Variants in NAA30 observed in about 807,000 individuals in gnomAD.
NAA30 encodes the protein N-alpha-acetyltransferase 30, NatC catalytic subunit, also known as N-alpha-acetyltransferase 30.
A neutral mutation model predicts 31.4 loss-of-function variants in NAA30; 5 were observed. The ratio of observed to expected loss-of-function variants is 0.16; its 90% confidence interval spans 0.08 to 0.33. The LOEUF is 0.33. NAA30 is among the 10% of genes least tolerant of loss of function. The probability of loss-of-function intolerance (pLI) is 1.00; values close to 1 mark genes in which losing one functional copy is unlikely to be tolerated. For synonymous variants in NAA30, 222 were observed against 207.1 expected, an observed-to-expected ratio of 1.07 and a Z score of -0.62; for missense variants, 428 against 490.8, an observed-to-expected ratio of 0.87 and a Z score of 1.21.
At chr14:57,393,814 G>A (rs1319017064) in intron 2 of NAA30, among the ~76,000 whole-genome samples, 1 of 152,076 alleles carries the variant, frequency 6.6e-6, no homozygotes, top group Non-Finnish European at 1.5e-5. Context: ...ACCGTCGGAA[G>A]GGTAAAGCTA....
rs2066536681 is a variant in NAA30, at chr14:57,414,140, G to A, written c.*4624G>A. The A allele has an allele frequency of 6.6e-6, 1 of 152,268 alleles. No homozygotes were observed. The highest frequency in any genetic ancestry group is 1.5e-5 in the Non-Finnish European group (1 of 68,064). The allele number at this position is 152,268 out of a possible 1,614,324, so 9.4% of individuals were successfully genotyped here. On this transcript the variant is annotated 3_prime_UTR_variant, in exon 5 of 5. Transcript: ENST00000556492. The stretch of plus-strand genomic sequence containing the variant: ...TGGAAGGATCACAATTAGGCCAGAT[G>A]TGGTGGCTCACGCCTATTATCCCAG...
Position 57,409,677 on chromosome 14 carries a change from A to G in NAA30, c.*161A>G, listed in dbSNP as rs2066515085. 14 of 594,736 alleles carry G rather than the reference A, an allele frequency of 2.4e-5. No homozygotes were observed. Among genetic ancestry groups the G allele is most frequent in the Middle Eastern group, 2.9e-4 (1 of 3,506 alleles). 36.8% of individuals were successfully genotyped at this position (594,736 alleles called of 1,614,324 possible). A position where few individuals can be genotyped will look rare whatever the true frequency, so the allele number is the denominator to read the frequency against. On this transcript the variant is annotated 3_prime_UTR_variant, in exon 5 of 5. Transcript: ENST00000556492. ...CGCACAATATTTGTTGCACTTTGGC[A>G]TGGCACATTTGTTCTGAATTAAAAG...
rs2066524183 is a variant in NAA30 at position 57,411,805 on chromosome 14, A to T, written c.*2289A>T. 1 of 152,184 alleles carries T rather than the reference A, an allele frequency of 6.6e-6. No homozygotes were observed. The highest frequency in any genetic ancestry group is 2.1e-4 in the South Asian group (1 of 4,828). 9.4% of individuals were successfully genotyped at this position (152,184 alleles called of 1,614,324 possible). On this transcript the variant is annotated 3_prime_UTR_variant, in exon 5 of 5. Coordinates refer to ENST00000556492, the MANE Select transcript of NAA30 (RefSeq NM_001011713.3). ...TCTAGCATGAAAACCCAGCACCAAC[A>T]CTGAAAGACTCCATTCAGGTTGAAG... is the stretch of plus-strand genomic sequence containing the variant.
rs2066538674 is a variant in NAA30 at position 57,414,530 on chromosome 14, A to C, written c.*5014A>C. On this transcript the variant is annotated 3_prime_UTR_variant, in exon 5 of 5. Transcript: ENST00000556492. ...TAATTTCTCATTTTTGATGAATTTG[A>C]AATCATTTCACTTCTAAATGAGATT... 6.6e-6 allele frequency: 1 copy of C among 152,196 alleles called. No homozygotes were observed. The highest frequency in any genetic ancestry group is 1.5e-5 in the Non-Finnish European group (1 of 68,028). 9.4% of individuals were successfully genotyped at this position (152,196 alleles called of 1,614,324 possible). A position where few individuals can be genotyped will look rare whatever the true frequency, so the allele number is the denominator to read the frequency against.
At position 57,392,000 on chromosome 14, in the gene NAA30, A is replaced by G. The variant is rs1027073697; in HGVS notation, c.771+272A>G. Among the ~76,000 whole-genome samples, 1 of 152,214 alleles carries G rather than the reference A, an allele frequency of 6.6e-6. No homozygotes were observed. Among genetic ancestry groups the G allele is most frequent in the Non-Finnish European group, 1.5e-5 (1 of 68,040 alleles). On this transcript the variant is annotated intron_variant, in intron 2 of 4. Transcript: ENST00000556492. The surrounding 1 kb of genome is among the most constrained non-coding windows in gnomAD (Gnocchi z 4.1). Reference sequence around the variant, plus strand: ...GGTGGGGGTCTTGTGTCTTGTTTACATTAGATTATAATCGTGTTTAACCGT... The same window carrying G: ...GGTGGGGGTCTTGTGTCTTGTTTACGTTAGATTATAATCGTGTTTAACCGT...
At chr14:57,403,216 T>TA (rs1436430119) in intron 4 of NAA30, among the ~76,000 whole-genome samples, 2 of 145,084 alleles carry the variant, frequency 1.4e-5, no homozygotes, top group Non-Finnish European at 3.0e-5. Flanking sequence ...CGTGAAACCT[T>TA]ACTGTGCTCC....
At position 57,391,040 on chromosome 14, in the gene NAA30, C is replaced by T; in HGVS notation, c.83C>T (p.Pro28Leu). The change falls in exon 2 of 5, where the codon CCC (proline) becomes CTC (leucine). Residue 28 changes from proline (P) to leucine (L), a missense_variant. Transcript: ENST00000556492. The surrounding 1 kb of genome is among the most constrained non-coding windows in gnomAD (Gnocchi z 4.1). Reference protein sequence around the residue: ...PAPAAVEPRCPFPAGAALACC... With the variant: ...PAPAAVEPRCLFPAGAALACC... Reference sequence around the variant, plus strand: ...CCGGCGGCGGTCGAGCCCCGCTGTCCCTTCCCGGCGGGGGCCGCCCTCGCC... The same window carrying T: ...CCGGCGGCGGTCGAGCCCCGCTGTCTCTTCCCGGCGGGGGCCGCCCTCGCC... 5 of 1,512,832 alleles carry T rather than the reference C, an allele frequency of 3.3e-6. No individual in the cohort carries two copies. Among genetic ancestry groups the T allele is most frequent in the Non-Finnish European group, 3.5e-6 (4 of 1,137,996 alleles). 93.7% of individuals were successfully genotyped at this position (1,512,832 alleles called of 1,614,324 possible).
rs555425273 is a variant in NAA30 at position 57,400,419 on chromosome 14, C to A, written c.951+536C>A. On this transcript the variant is annotated intron_variant, in intron 4 of 4. Transcript: ENST00000556492. ...AGATATTTCTTTGTATCCTACTGCA[C>A]GGTGTTTCTACATATAGTAGGTGCA... Among the ~76,000 whole-genome samples the A allele has an allele frequency of 2.0e-5, 3 of 152,194 alleles. No individual in the cohort carries two copies. The South Asian group carries it at 6.2e-4, about 32-fold the overall frequency.
Position 57,391,724 on chromosome 14 carries a change from T to C in NAA30, c.767T>C (p.Phe256Ser). The C allele has an allele frequency of 6.2e-7, 1 of 1,600,542 alleles. No homozygotes were observed. The highest frequency in any genetic ancestry group is 8.5e-7 in the Non-Finnish European group (1 of 1,172,412). ...YFIHNWPQLC[F>S]LAMVGEECVG... ...ATCCACAACTGGCCACAGCTGTGCT[T>C]CTTGGTAAGTGGATAGAATAAAAAG... Residue 256 changes from phenylalanine to serine, a missense_variant, in exon 2 of 5, where the codon TTC (phenylalanine) becomes TCC (serine). Physicochemically the swap from Phe to Ser is radical, Grantham distance 155 (BLOSUM62 -2). This residue lies in a region of NAA30 where 79 missense variants were observed against 180.3 expected (regional missense o/e 0.44). Coordinates refer to ENST00000556492, the MANE Select transcript of NAA30 (RefSeq NM_001011713.3). This position sits in a 1 kb window ranked among gnomAD's most constrained non-coding sequence, Gnocchi z 4.1.
At chr14:57,402,873 G>T (rs562887749) in intron 4 of NAA30, among the ~76,000 whole-genome samples, 1 of 152,186 alleles carries the variant, frequency 6.6e-6, no homozygotes, top group African/African-American at 2.4e-5. Flanking sequence ...TTTAAAATCT[G>T]TGAACCTTTT....
chr14:57,398,978 T>C (rs1176489684), intron 3 of NAA30, among the ~76,000 whole-genome samples: 1 of 151,532 alleles, frequency 6.6e-6, no homozygotes, highest in Non-Finnish European at 1.5e-5. Flanking sequence ...TGCCATGACC[T>C]CAGCCTCCAA....
chr14:57,390,884 T>C (rs937391010), intron 1 of NAA30, 73 bp from the exon 2 acceptor site: 2 of 1,422,408 alleles, frequency 1.4e-6, no homozygotes, highest in Admixed American at 3.0e-5. Flanking sequence ...CCGCCCCCCA[T>C]CCGTCGCCCC....
chr14:57,391,031 C>T lies in NAA30; in HGVS notation c.74C>T (p.Pro25Leu), dbSNP rs757966620. The change falls in exon 2 of 5, where the codon CCC becomes CTC. Residue 25 changes from proline (P) to leucine (L), a missense_variant. Pro to Leu is a moderately conservative substitution (Grantham distance 98). This residue lies in a region of NAA30 where 349 missense variants were observed against 310.4 expected (regional missense o/e 1.12). Transcript: ENST00000556492. The surrounding 1 kb of genome is among the most constrained non-coding windows in gnomAD (Gnocchi z 4.1). The part of the protein sequence containing the change: ...PAPPAPAAVE[P>L]RCPFPAGAAL... ...CCTCCGGCCCCGGCGGCGGTCGAGC[C>T]CCGCTGTCCCTTCCCGGCGGGGGCC... 1.3e-6 allele frequency: 2 copies of T among 1,500,044 alleles called. No homozygotes were observed. The highest frequency in any genetic ancestry group is 1.8e-6 in the Non-Finnish European group (2 of 1,132,668). 92.9% of individuals were successfully genotyped at this position (1,500,044 alleles called of 1,614,324 possible).
chr14:57,393,069 C>T (rs901287423), intron 2 of NAA30, among the ~76,000 whole-genome samples: 9 of 152,234 alleles, frequency 5.9e-5, no homozygotes, highest in Non-Finnish European at 1.2e-4. Flanking sequence ...TATCAAATGC[C>T]ACTGTAATTG....
intron 2 of NAA30, among the ~76,000 whole-genome samples, chr14:57,395,863 CTG>C (rs373664579): frequency 1.1e-4 from 16 of 152,142 alleles, no homozygotes; most frequent in African/African-American, 3.6e-4. Flanking sequence ...ACCTTATAAA[CTG>C]TGCTTTTTCT....
Position 57,409,628 on chromosome 14 carries a change from AC to A in NAA30, c.*114del. The stretch of plus-strand genomic sequence containing the variant: ...ATTTAGTAATTTCCATGCAGCTCTT[AC>A]CTGTCAGTGTCTCATTGAGTGTCGC... On this transcript the variant is annotated 3_prime_UTR_variant, in exon 5 of 5. Transcript: ENST00000556492. The A allele has an allele frequency of 9.6e-7, 1 of 1,038,268 alleles. No individual in the cohort carries two copies. Among genetic ancestry groups the A allele is most frequent in the Non-Finnish European group, 1.3e-6 (1 of 742,972 alleles). 64.3% of individuals were successfully genotyped at this position (1,038,268 alleles called of 1,614,324 possible).
intron 2 of NAA30, among the ~76,000 whole-genome samples, chr14:57,395,978 T>G (rs531302503): frequency 1.3e-5 from 2 of 152,310 alleles, no homozygotes; most frequent in South Asian, 4.1e-4. Context: ...TTTATTTTCA[T>G]TTTTTTCTTT....
intron 2 of NAA30, among the ~76,000 whole-genome samples, chr14:57,393,220 T>G (rs972241744): frequency 6.6e-6 from 1 of 152,318 alleles, no homozygotes; most frequent in Admixed American, 6.5e-5. Flanking sequence ...GTCCTGATAG[T>G]TACCTAAGCC....
chr14:57,392,516 CTT>C (rs2066433954), intron 2 of NAA30, among the ~76,000 whole-genome samples: 1 of 151,888 alleles, frequency 6.6e-6, no homozygotes, highest in Non-Finnish European at 1.5e-5. Flanking sequence ...AAGTGAAAGA[CTT>C]TTGGACGGTT....
Sources: allele counts gnomAD v4.1 joint callset (sites outside exome capture counted in the v4.1 genomes callset), GRCh38; gene constraint gnomAD v4.1.1; regional missense constraint gnomAD v4.1.1; non-coding constraint Gnocchi (gnomAD v3.1); transcripts MANE v1.5; gene names NCBI Gene and HGNC (gene_info 2026-07-23, HGNC 2026-07-21).